Variants in CTBS observed in about 807,000 individuals in gnomAD.
The protein encoded by CTBS is di-N-acetylchitobiase.
A neutral mutation model predicts 44.3 loss-of-function variants in CTBS; 35 were observed. That is an observed-to-expected ratio of 0.79 (90% CI 0.60 to 1.05). CTBS has a LOEUF of 1.05. Among genes scored for constraint, CTBS ranks in the 50% least tolerant of loss-of-function variants. CTBS has a pLI of 0.00. For missense variants in CTBS, 458 were observed against 475.3 expected (o/e 0.96, Z 0.34); for synonymous variants, 143 against 168.0 (o/e 0.85, Z 1.15).
At chr1:84,571,034 CAG>C (rs1647287884) in intron 1 of CTBS, among the ~76,000 whole-genome samples, 1 of 152,062 alleles carries the variant, frequency 6.6e-6, no homozygotes. Context: ...AGTGAAGGAC[CAG>C]AGAGTAGTAG....
chr1:84,555,323 T>C, intron 6 of CTBS, 124 bp from the exon 7 acceptor site: 1 of 646,880 alleles, frequency 1.5e-6, no homozygotes, highest in Non-Finnish European at 2.5e-6. Context: ...AATCCAATTA[T>C]TCAAAAAGGA....
intron 6 of CTBS, among the ~76,000 whole-genome samples, chr1:84,558,116 T>C (rs1684501939): frequency 6.6e-6 from 1 of 152,144 alleles, no homozygotes; most frequent in Non-Finnish European, 1.5e-5. Context: ...TTAATAACAA[T>C]GTATTATGTT....
chr1:84,569,155 C>T (rs993393953), intron 3 of CTBS, among the ~76,000 whole-genome samples: 1 of 152,174 alleles, frequency 6.6e-6, no homozygotes, highest in African/African-American at 2.4e-5. Context: ...TGCACCCCGT[C>T]TTCAAAAAAA....
rs12077315 is a variant in CTBS, at chr1:84,570,173, T to G, written c.317-34A>C. On this transcript the variant is annotated intron_variant, in intron 2 of 6. Transcript: ENST00000370630. ...GAAGTATATATCTTTTGAACATGTA[T>G]GCAAAAACATTTCATTATTTTGGAA... 3.1e-3 allele frequency: 4,880 copies of G among 1,549,792 alleles called. 159 individuals carry two copies. The African/African-American group carries it at 0.059, about 19-fold the overall frequency.
chr1:84,558,760 G>C (rs1221021056), intron 6 of CTBS, among the ~76,000 whole-genome samples: 1 of 151,938 alleles, frequency 6.6e-6, no homozygotes, highest in Non-Finnish European at 1.5e-5. Flanking sequence ...AATCAGCCTG[G>C]CATGATGGCA....
chr1:84,559,911 C>A (rs552284281), intron 6 of CTBS, among the ~76,000 whole-genome samples: 5 of 151,682 alleles, frequency 3.3e-5, no homozygotes, highest in Admixed American at 1.3e-4. Context: ...ATAGTGAAAC[C>A]CCATCTCTAC....
intron 6 of CTBS, among the ~76,000 whole-genome samples, chr1:84,558,592 CTTTTT>C (rs1225572144): frequency 6.9e-6 from 1 of 145,562 alleles, no homozygotes; most frequent in Non-Finnish European, 1.5e-5. Context: ...CGCCCGGCCA[CTTTTT>C]TTTAATTAAA....
Position 84,550,331 on chromosome 1 carries a change from A to G in CTBS, c.*4668T>C. 2 of 514,684 alleles carry G rather than the reference A, an allele frequency of 3.9e-6. No individual in the cohort carries two copies. Among genetic ancestry groups the G allele is most frequent in the African/African-American group, 2.0e-5 (1 of 50,068 alleles). The allele number at this position is 514,684 out of a possible 1,614,324, so 31.9% of individuals were successfully genotyped here. ...ACGGAATAGGTTATTTTCATGATTT[A>G]CTCTTTTGATCTTTATCATTTCATA... On this transcript the variant is annotated 3_prime_UTR_variant, in exon 7 of 7. Coordinates refer to ENST00000370630, the MANE Select transcript of CTBS (RefSeq NM_004388.3).
At position 84,554,492 on chromosome 1, in the gene CTBS, A is replaced by G. The variant is rs1185031020; in HGVS notation, c.*507T>C. The G allele has an allele frequency of 6.5e-6, 1 of 153,700 alleles. No individual in the cohort carries two copies. Among genetic ancestry groups the G allele is most frequent in the Non-Finnish European group, 1.4e-5 (1 of 69,064 alleles). The allele number at this position is 153,700 out of a possible 1,614,324, so 9.5% of individuals were successfully genotyped here. On this transcript the variant is annotated 3_prime_UTR_variant, in exon 7 of 7. Transcript: ENST00000370630. ...CTATATGGAGTCAGGAAGCAGAAAAATTATTTTCATCAGTTTGATGAACCT... is the reference window on the plus strand; with the variant it reads ...CTATATGGAGTCAGGAAGCAGAAAAGTTATTTTCATCAGTTTGATGAACCT...
chr1:84,564,602 G>T (rs1379969649), intron 4 of CTBS, among the ~76,000 whole-genome samples: 1 of 152,076 alleles, frequency 6.6e-6, no homozygotes, highest in Non-Finnish European at 1.5e-5. Context: ...TTGAACTTCG[G>T]CCTCATGTGA....
Position 84,553,145 on chromosome 1 carries a change from T to C in CTBS, c.*1854A>G. The C allele has an allele frequency of 1.5e-6, 2 of 1,345,728 alleles. No individual in the cohort carries two copies. The highest frequency in any genetic ancestry group is 2.0e-6 in the Non-Finnish European group (2 of 995,136). The allele number at this position is 1,345,728 out of a possible 1,614,324, so 83.4% of individuals were successfully genotyped here. Reference sequence around the variant, plus strand: ...ATTAGGTATGTTAATTTAAAACTTTTATTTGTAAAAAAATTTAAATATGTA... The same window carrying C: ...ATTAGGTATGTTAATTTAAAACTTTCATTTGTAAAAAAATTTAAATATGTA... On this transcript the variant is annotated 3_prime_UTR_variant, in exon 7 of 7. Transcript: ENST00000370630.
chr1:84,556,080 C>A (rs1684421719), intron 6 of CTBS: 1 of 152,102 alleles, frequency 6.6e-6, no homozygotes, highest in African/African-American at 2.4e-5. Flanking sequence ...TAACATACAC[C>A]TGATTATGAG....
chr1:84,554,405 T>A lies in CTBS; in HGVS notation c.*594A>T, dbSNP rs1570461971. ...TTGTGAATACATTTAATCTTCTGGA[T>A]TCTTTTTAATTCTCACTCACTGTCC... On this transcript the variant is annotated 3_prime_UTR_variant, in exon 7 of 7. Coordinates refer to ENST00000370630, the MANE Select transcript of CTBS (RefSeq NM_004388.3). The A allele has an allele frequency of 6.6e-6, 1 of 152,244 alleles. No homozygotes were observed. The highest frequency in any genetic ancestry group is 1.5e-5 in the Non-Finnish European group (1 of 68,056). The allele number at this position is 152,244 out of a possible 1,614,324, so 9.4% of individuals were successfully genotyped here.
At chr1:84,564,630 C>T (rs1048399698) in intron 4 of CTBS, among the ~76,000 whole-genome samples, 1 of 152,174 alleles carries the variant, frequency 6.6e-6, no homozygotes, top group African/African-American at 2.4e-5. Flanking sequence ...ACCTCAGCCT[C>T]CCAAGGCTTG....
chr1:84,550,663 T>G lies in CTBS; in HGVS notation c.*4336A>C. On this transcript the variant is annotated 3_prime_UTR_variant, in exon 7 of 7. Coordinates refer to ENST00000370630, the MANE Select transcript of CTBS (RefSeq NM_004388.3). ...TGTATTAAAATTGTTACCTTAACAG[T>G]AAAGAGCATAGGTGAAAAAAAAAAT... The G allele has an allele frequency of 8.0e-7, 1 of 1,244,948 alleles. No homozygotes were observed. The allele number at this position is 1,244,948 out of a possible 1,614,324, so 77.1% of individuals were successfully genotyped here.
chr1:84,551,037 T>G lies in CTBS; in HGVS notation c.*3962A>C. The G allele has an allele frequency of 1.0e-6, 1 of 985,340 alleles. No individual in the cohort carries two copies. The highest frequency in any genetic ancestry group is 1.2e-6 in the Non-Finnish European group (1 of 829,866). The allele number at this position is 985,340 out of a possible 1,614,324, so 61.0% of individuals were successfully genotyped here. ...TTAACTTTGTTTCTCCCATGGGACC[T>G]TTTGTATAGCAGATGCTTAGTAGAG... On this transcript the variant is annotated 3_prime_UTR_variant, in exon 7 of 7. Transcript: ENST00000370630.
Position 84,574,115 on chromosome 1 carries a change from G to A in CTBS, c.177+124C>T, listed in dbSNP as rs1286575393. The A allele has an allele frequency of 5.3e-6, 8 of 1,499,632 alleles. No homozygotes were observed. The East Asian group carries it at 1.0e-4, about 19-fold the overall frequency. The allele number at this position is 1,499,632 out of a possible 1,614,324, so 92.9% of individuals were successfully genotyped here. A position where few individuals can be genotyped will look rare whatever the true frequency, so the allele number is the denominator to read the frequency against. ...AATTGAAGGATCCGTAAACAGGAAG[G>A]CCCTCATCGAGTGGTCAAAGCTGGT... On this transcript the variant is annotated intron_variant, in intron 1 of 6. Coordinates refer to ENST00000370630, the MANE Select transcript of CTBS (RefSeq NM_004388.3).
chr1:84,558,749 A>T (rs1263913452), intron 6 of CTBS, among the ~76,000 whole-genome samples: 3 of 152,036 alleles, frequency 2.0e-5, no homozygotes, highest in East Asian at 1.9e-4. Flanking sequence ...AAAAGTAAAA[A>T]AATCAGCCTG....
rs980370419 is a variant in CTBS at position 84,552,515 on chromosome 1, G to C, written c.*2484C>G. ...GCCTCTAAAGGTCTCCATTTCAACTGTAAAATGGGGATAAATACTAGTATC... is the reference window on the plus strand; with the variant it reads ...GCCTCTAAAGGTCTCCATTTCAACTCTAAAATGGGGATAAATACTAGTATC... On this transcript the variant is annotated 3_prime_UTR_variant, in exon 7 of 7. Transcript: ENST00000370630. 2.6e-5 allele frequency: 4 copies of C among 151,916 alleles called. No individual in the cohort carries two copies. The highest frequency in any genetic ancestry group is 4.4e-5 in the Non-Finnish European group (3 of 68,024). 9.4% of individuals were successfully genotyped at this position (151,916 alleles called of 1,614,324 possible). A position where few individuals can be genotyped will look rare whatever the true frequency, so the allele number is the denominator to read the frequency against.
Sources: gnomAD v4.1 joint callset for allele counts (sites outside exome capture counted in the v4.1 genomes callset) on GRCh38, gnomAD v4.1.1 for gene constraint, MANE v1.5 for transcripts, NCBI Gene and HGNC (gene_info 2026-07-23, HGNC 2026-07-21) for gene names.